Variants in GTF2IRD1 observed in about 807,000 individuals in gnomAD.
GTF2IRD1 encodes the protein GTF2I repeat domain containing 1, also known as general transcription factor II-I repeat domain-containing protein 1.
In GTF2IRD1, 26 loss-of-function variants were observed where a neutral mutation model predicts 113.2. That is an observed-to-expected ratio of 0.23 (90% CI 0.17 to 0.32). The LOEUF (loss-of-function observed/expected upper bound fraction) is 0.32, where lower values mean the gene tolerates loss of function less well. Among genes scored for constraint, GTF2IRD1 ranks in the 10% least tolerant of loss-of-function variants. GTF2IRD1 has a pLI of 1.00. For synonymous variants in GTF2IRD1, 484 were observed against 529.1 expected, an observed-to-expected ratio of 0.91 and a Z score of 1.17; for missense variants, 864 against 1,280.8, an observed-to-expected ratio of 0.67 and a Z score of 4.97.
Position 74,555,799 on chromosome 7 carries a change from G to A in GTF2IRD1, c.2023+305G>A, listed in dbSNP as rs1346350096. Reference sequence around the variant, plus strand: ...CACTCCTTTTTCAGCAATCAGCTGTGGTCTTAGTGCTTTGAAATCAGAATA... The same window carrying A: ...CACTCCTTTTTCAGCAATCAGCTGTAGTCTTAGTGCTTTGAAATCAGAATA... On this transcript the variant is annotated intron_variant, in intron 19 of 26. Transcript: ENST00000424337. The surrounding 1 kb of genome is among the most constrained non-coding windows in gnomAD (Gnocchi z 5.3). 1.3e-5 allele frequency among the ~76,000 whole-genome samples: 2 copies of A among 152,136 alleles called. No homozygotes were observed. The highest frequency in any genetic ancestry group is 4.8e-5 in the African/African-American group (2 of 41,428).
chr7:74,569,811 G>C (rs1269540604), intron 22 of GTF2IRD1, among the ~76,000 whole-genome samples: 2 of 152,146 alleles, frequency 1.3e-5, no homozygotes, highest in Non-Finnish European at 2.9e-5. Context: ...GGTGATGGTG[G>C]TGCTCGTCTC....
chr7:74,568,940 A>C (rs1411336476), intron 22 of GTF2IRD1, among the ~76,000 whole-genome samples: 1 of 152,208 alleles, frequency 6.6e-6, no homozygotes, highest in East Asian at 1.9e-4. Flanking sequence ...GAAGAGGTCA[A>C]GGTACGTGTG....
chr7:74,455,049 C>T (rs1211163707), intron 1 of GTF2IRD1, among the ~76,000 whole-genome samples: 1 of 152,162 alleles, frequency 6.6e-6, no homozygotes, highest in Non-Finnish European at 1.5e-5. Flanking sequence ...AGAGTTCGTT[C>T]CACCCTCCTG....
intron 22 of GTF2IRD1, among the ~76,000 whole-genome samples, chr7:74,568,787 G>A (rs782621349): frequency 2.0e-5 from 3 of 152,122 alleles, no homozygotes; most frequent in Non-Finnish European, 4.4e-5. Context: ...TGGACTAAAT[G>A]TCCCCATGGG....
rs782491649 is a variant in GTF2IRD1, at chr7:74,515,382, C to T, written c.266-59C>T. ...AGCACAGGGCAGCGACATCCCAGCT[C>T]GAAGGCCGGGTGGTGAGACGGGTGC... On this transcript the variant is annotated intron_variant, in intron 3 of 26. Coordinates refer to ENST00000424337, the MANE Select transcript of GTF2IRD1 (RefSeq NM_005685.4). 29 of 1,546,530 alleles carry T rather than the reference C, an allele frequency of 1.9e-5. No homozygotes were observed. In the South Asian group the frequency reaches 3.1e-4, roughly 16 times the overall value.
chr7:74,569,220 G>A (rs1352367262), intron 22 of GTF2IRD1, among the ~76,000 whole-genome samples: 2 of 152,204 alleles, frequency 1.3e-5, no homozygotes, highest in Non-Finnish European at 2.9e-5. Flanking sequence ...CAGAGATTAG[G>A]AGCTGGGAAA....
chr7:74,565,526 A>G lies in GTF2IRD1; in HGVS notation c.2320+5871A>G, dbSNP rs587610437. On this transcript the variant is annotated intron_variant, in intron 22 of 26. Coordinates refer to ENST00000424337, the MANE Select transcript of GTF2IRD1 (RefSeq NM_005685.4). ...GGCAACAGAGCACAACCCGGTCACA[A>G]AAAAAGAAAGAAAAAAGAAAACCCA... Among the ~76,000 whole-genome samples, 4 of 149,608 alleles carry G rather than the reference A, an allele frequency of 2.7e-5. No individual in the cohort carries two copies. In the South Asian group the frequency reaches 8.4e-4, roughly 31 times the overall value.
At chr7:74,538,248 G>C (rs1446706194) in intron 12 of GTF2IRD1, 75 bp downstream of exon 12, 35 of 1,458,296 alleles carry the variant, frequency 2.4e-5, no homozygotes, top group African/African-American at 2.8e-5. Context: ...GCAGCCTTGG[G>C]GAGGAGCTCA....
At chr7:74,482,191 C>T (rs1794778700) in intron 1 of GTF2IRD1, among the ~76,000 whole-genome samples, 1 of 147,802 alleles carries the variant, frequency 6.8e-6, no homozygotes, top group South Asian at 2.2e-4. Flanking sequence ...TGTCATCTGA[C>T]TGGGTGTCCC....
At position 74,529,021 on chromosome 7, in the gene GTF2IRD1, T is replaced by A. The variant is rs1405783203; in HGVS notation, c.1091-713T>A. On this transcript the variant is annotated intron_variant, in intron 8 of 26. Transcript: ENST00000424337. ...TGGATGGATGGATGGATAGACGGAC[T>A]GATGGATGGATGTTTATGGATTTCT... 2.0e-5 allele frequency among the ~76,000 whole-genome samples: 3 copies of A among 150,920 alleles called. No homozygotes were observed. The East Asian group carries it at 5.9e-4, about 30-fold the overall frequency.
intron 9 of GTF2IRD1, among the ~76,000 whole-genome samples, chr7:74,532,398 AAAAT>A (rs34676010): frequency 0.018 from 2,674 of 152,236 alleles, 88 homozygotes; most frequent in African/African-American, 0.06. Context: ...TACAAAAAAT[AAAAT>A]AAATAGCCAG....
intron 1 of GTF2IRD1, among the ~76,000 whole-genome samples, chr7:74,497,570 A>G (rs1486451082): frequency 6.6e-6 from 1 of 150,834 alleles, no homozygotes; most frequent in Non-Finnish European, 1.5e-5. Flanking sequence ...TCCTATTTTT[A>G]ATTTTTTGAG....
chr7:74,599,782 C>T (rs879989271), intron 25 of GTF2IRD1, among the ~76,000 whole-genome samples: 1 of 152,140 alleles, frequency 6.6e-6, no homozygotes, highest in Non-Finnish European at 1.5e-5. Flanking sequence ...CTTGGTCTCC[C>T]AAAGTGCTGG....
intron 22 of GTF2IRD1, among the ~76,000 whole-genome samples, chr7:74,562,387 C>T (rs1800023503): frequency 6.6e-6 from 1 of 152,006 alleles, no homozygotes. Flanking sequence ...TGGGAAAGTG[C>T]CGCCTCATTC....
At chr7:74,537,278 C>T (rs782255089) in intron 11 of GTF2IRD1, among the ~76,000 whole-genome samples, 6 of 151,542 alleles carry the variant, frequency 4.0e-5, no homozygotes, top group South Asian at 2.1e-4. Context: ...CCAGGCGCAG[C>T]GGCGCATGCC....
chr7:74,454,974 C>T (rs1792867824), intron 1 of GTF2IRD1, among the ~76,000 whole-genome samples: 1 of 152,176 alleles, frequency 6.6e-6, no homozygotes, highest in African/African-American at 2.4e-5. Flanking sequence ...CCCTGGCCAG[C>T]AGCCAGGGAG....
intron 22 of GTF2IRD1, among the ~76,000 whole-genome samples, chr7:74,570,915 C>G (rs1375897489): frequency 2.0e-5 from 3 of 152,274 alleles, no homozygotes; most frequent in Admixed American, 6.5e-5. Flanking sequence ...CTTTGCTGCC[C>G]CGCCACCAGC....
intron 22 of GTF2IRD1, among the ~76,000 whole-genome samples, chr7:74,573,061 C>G (rs1412217628): frequency 6.6e-6 from 1 of 152,092 alleles, no homozygotes; most frequent in African/African-American, 2.4e-5. Flanking sequence ...ATTCTGCCCC[C>G]CAACCTTCCA....
chr7:74,602,525 T>G lies in GTF2IRD1; in HGVS notation c.*92T>G. ...ATATTCGGATATGTATCGATGCCTT[T>G]TAGTTTTTCCAATGATTTTTACACT... On this transcript the variant is annotated 3_prime_UTR_variant, in exon 27 of 27. Transcript: ENST00000424337. The G allele has an allele frequency of 9.4e-7, 1 of 1,065,886 alleles. No homozygotes were observed. The highest frequency in any genetic ancestry group is 1.4e-6 in the Non-Finnish European group (1 of 717,182). The allele number at this position is 1,065,886 out of a possible 1,614,324, so 66.0% of individuals were successfully genotyped here. A position where few individuals can be genotyped will look rare whatever the true frequency, so the allele number is the denominator to read the frequency against.
Sources: allele counts gnomAD v4.1 joint callset (sites outside exome capture counted in the v4.1 genomes callset), GRCh38; gene constraint gnomAD v4.1.1; non-coding constraint Gnocchi (gnomAD v3.1); transcripts MANE v1.5; gene names NCBI Gene and HGNC (gene_info 2026-07-23, HGNC 2026-07-21).